SNX29: variants seen among roughly 807,000 people sequenced by gnomAD.
SNX29 encodes the protein sorting nexin 29, also known as sorting nexin-29.
In SNX29, 78 loss-of-function variants were observed where a neutral mutation model predicts 102.1. That is an observed-to-expected ratio of 0.76 (90% CI 0.64 to 0.92). The LOEUF (loss-of-function observed/expected upper bound fraction) is 0.92. SNX29 is among the 40% of genes least tolerant of loss of function. The probability of loss-of-function intolerance (pLI) is 0.00; values close to 1 mark genes in which losing one functional copy is unlikely to be tolerated. For synonymous variants in SNX29, 580 were observed against 414.5 expected (o/e 1.40, Z -4.85); for missense variants, 1,280 against 1,061.7 (o/e 1.21, Z -2.86).
At chr16:12,394,719 G>A (rs2083657521) in intron 16 of SNX29, among the ~76,000 whole-genome samples, 3 of 152,226 alleles carry the variant, frequency 2.0e-5, no homozygotes, top group African/African-American at 7.2e-5. Flanking sequence ...GAAAGCCCGA[G>A]CACCTGAAGG....
intron 16 of SNX29, among the ~76,000 whole-genome samples, chr16:12,363,864 CA>C (rs1189375613): frequency 5.3e-5 from 8 of 152,096 alleles, no homozygotes; most frequent in African/African-American, 1.9e-4. Flanking sequence ...ATCCCTAATC[CA>C]AAAATCTGAA....
At chr16:12,132,816 C>T (rs973460657) in intron 13 of SNX29, among the ~76,000 whole-genome samples, 5 of 152,180 alleles carry the variant, frequency 3.3e-5, no homozygotes, top group African/African-American at 1.2e-4. Flanking sequence ...TAAAACAGAC[C>T]AGTATTTCAA....
intron 3 of SNX29, among the ~76,000 whole-genome samples, chr16:12,023,407 C>CAAAAAAAA (rs565812913): frequency 1.1e-5 from 1 of 94,598 alleles, no homozygotes; most frequent in African/African-American, 4.1e-5. Context: ...GACTCTGTCT[C>CAAAAAAAA]AAAAAAAAAA....
At chr16:12,468,416 C>G (rs796966158) in intron 18 of SNX29, among the ~76,000 whole-genome samples, 5 of 152,170 alleles carry the variant, frequency 3.3e-5, no homozygotes, top group African/African-American at 1.2e-4. Flanking sequence ...CTCAAGTGAT[C>G]TGCCTGCCTT....
intron 19 of SNX29, among the ~76,000 whole-genome samples, chr16:12,522,337 CCT>C (rs950800873): frequency 7.2e-6 from 1 of 138,762 alleles, no homozygotes; most frequent in Non-Finnish European, 1.5e-5. Flanking sequence ...CTCAAAGGTG[CCT>C]CTCAAGAAAG....
chr16:12,254,555 C>T (rs758097652), intron 14 of SNX29, among the ~76,000 whole-genome samples: 10 of 151,956 alleles, frequency 6.6e-5, no homozygotes, highest in Non-Finnish European at 1.2e-4. Flanking sequence ...GCAGGAGAAT[C>T]GCTTGAACCC....
chr16:12,567,269 C>G (rs958087885), intron 20 of SNX29, among the ~76,000 whole-genome samples: 1 of 152,210 alleles, frequency 6.6e-6, no homozygotes, highest in Non-Finnish European at 1.5e-5. Flanking sequence ...TTGTAGGGTC[C>G]AGTGGATCCA....
chr16:12,572,653 T>C lies in SNX29; in HGVS notation c.*4024T>C. 6 of 1,063,518 alleles carry C rather than the reference T, an allele frequency of 5.6e-6. No individual in the cohort carries two copies. Among genetic ancestry groups the C allele is most frequent in the Non-Finnish European group, 6.8e-6 (6 of 878,352 alleles). The allele number at this position is 1,063,518 out of a possible 1,614,324, so 65.9% of individuals were successfully genotyped here. ...ATCCTTCATTCCTCCACCAAGCTCC[T>C]GTGTGAGCTGCAGCACCCACACGGG... On this transcript the variant is annotated 3_prime_UTR_variant, in exon 21 of 21. Transcript: ENST00000566228.
At chr16:12,312,820 T>A (rs77413088) in intron 15 of SNX29, among the ~76,000 whole-genome samples, 6,158 of 152,154 alleles carry the variant, frequency 0.04, 416 homozygotes, top group East Asian at 0.33. Context: ...GATGTTTTAC[T>A]GAGTTCACAC....
chr16:11,994,001 A>G (rs753977438), intron 1 of SNX29, among the ~76,000 whole-genome samples: 11 of 152,170 alleles, frequency 7.2e-5, no homozygotes, highest in Non-Finnish European at 1.3e-4. Flanking sequence ...GGAGCCTGTA[A>G]TCTCAGCTAC....
intron 15 of SNX29, among the ~76,000 whole-genome samples, chr16:12,335,215 T>C (rs1352258661): frequency 6.6e-6 from 1 of 152,046 alleles, no homozygotes; most frequent in Non-Finnish European, 1.5e-5. Flanking sequence ...TATAGATCTT[T>C]GAGGGCCTTG....
intron 20 of SNX29, among the ~76,000 whole-genome samples, chr16:12,559,331 G>A (rs952075219): frequency 1.3e-4 from 20 of 151,894 alleles, no homozygotes; most frequent in Admixed American, 7.9e-4. Flanking sequence ...CCATGTGAGG[G>A]ATCTAGGCTG....
intron 16 of SNX29, among the ~76,000 whole-genome samples, chr16:12,357,867 C>T (rs140969861): frequency 1.3e-5 from 2 of 152,342 alleles, no homozygotes; most frequent in South Asian, 4.1e-4. Flanking sequence ...AGGTTTTCAA[C>T]CCCTCAGCTT....
intron 20 of SNX29, among the ~76,000 whole-genome samples, chr16:12,565,818 T>TCTG (rs1351747433): frequency 6.6e-6 from 1 of 152,122 alleles, no homozygotes; most frequent in Non-Finnish European, 1.5e-5. Flanking sequence ...TCAGCTCACT[T>TCTG]CTGGTCACCC....
chr16:12,399,177 AG>A (rs1393897183), intron 17 of SNX29, among the ~76,000 whole-genome samples: 1 of 152,036 alleles, frequency 6.6e-6, no homozygotes, highest in African/African-American at 2.4e-5. Flanking sequence ...CAGCCTTCCA[AG>A]TAGCTGGGAT....
intron 15 of SNX29, among the ~76,000 whole-genome samples, chr16:12,354,402 G>C (rs2082074132): frequency 6.6e-6 from 1 of 152,220 alleles, no homozygotes; most frequent in African/African-American, 2.4e-5. Context: ...TCTTCTGGCT[G>C]TGGAAGAGCA....
chr16:12,394,856 C>G (rs1389461691), intron 16 of SNX29, among the ~76,000 whole-genome samples: 1 of 152,198 alleles, frequency 6.6e-6, no homozygotes, highest in Admixed American at 6.5e-5. Context: ...CGGAAGCACA[C>G]CTCTGCCCAC....
chr16:11,995,203 C>G (rs959251145), intron 1 of SNX29, among the ~76,000 whole-genome samples: 1 of 152,168 alleles, frequency 6.6e-6, no homozygotes, highest in African/African-American at 2.4e-5. Flanking sequence ...GTAGCTGGGA[C>G]TACAGGCGCC....
chr16:12,073,634 T>A (rs1030423241), intron 10 of SNX29, among the ~76,000 whole-genome samples: 3 of 152,210 alleles, frequency 2.0e-5, no homozygotes, highest in Admixed American at 1.3e-4. Context: ...CTGAAAAAAA[T>A]ATATATTCTG....
Sources: allele counts gnomAD v4.1 joint callset (sites outside exome capture counted in the v4.1 genomes callset), GRCh38; gene constraint gnomAD v4.1.1; transcripts MANE v1.5; gene names NCBI Gene and HGNC (gene_info 2026-07-23, HGNC 2026-07-21).